PSMD11: variants seen among roughly 807,000 people sequenced by gnomAD.
The protein encoded by PSMD11 is 26S proteasome non-ATPase regulatory subunit 11.
Under a neutral mutation model 62.3 loss-of-function variants are expected in PSMD11, and 5 were observed. The ratio of observed to expected loss-of-function variants is 0.08; its 90% confidence interval spans 0.04 to 0.17. The LOEUF is 0.17. Among genes scored for constraint, PSMD11 ranks in the 10% least tolerant of loss-of-function variants. PSMD11 has a pLI of 1.00. For synonymous variants in PSMD11, 191 were observed against 191.8 expected, an observed-to-expected ratio of 1.00 and a Z score of 0.03; for missense variants, 310 against 512.9, an observed-to-expected ratio of 0.60 and a Z score of 3.82.
At chr17:32,476,807 C>G (rs956274651) in intron 8 of PSMD11, 1 of 152,174 alleles carries the variant, frequency 6.6e-6, no homozygotes, top group African/African-American at 2.4e-5. Flanking sequence ...TTTCTATCAC[C>G]CAGCTGCAGT....
intron 6 of PSMD11, among the ~76,000 whole-genome samples, chr17:32,470,560 T>A (rs953951029): frequency 6.6e-6 from 1 of 152,252 alleles, no homozygotes; most frequent in Admixed American, 6.5e-5. Context: ...GTGCTAGGAT[T>A]ATAGGCATGA....
At chr17:32,453,888 T>G (rs1407516821) in intron 2 of PSMD11, among the ~76,000 whole-genome samples, 1 of 152,170 alleles carries the variant, frequency 6.6e-6, no homozygotes, top group Non-Finnish European at 1.5e-5. Context: ...TAATGAGGAA[T>G]TTAAAAGAGA....
chr17:32,479,658 AAG>A (rs570915768), intron 10 of PSMD11, 191 bp from the exon 11 acceptor site: 1 of 720,518 alleles, frequency 1.4e-6, no homozygotes, highest in South Asian at 1.9e-5. Flanking sequence ...TGTGTGGGAT[AAG>A]AGTCTGTTTA....
chr17:32,444,764 G>GCT (rs1907274104), intron 1 of PSMD11, 150 bp downstream of exon 1: 2 of 848,854 alleles, frequency 2.4e-6, no homozygotes, highest in Admixed American at 3.0e-5. Context: ...GCCGCTCGGA[G>GCT]CTCCCCAGAG....
chr17:32,475,445 C>G (rs1215244833), intron 8 of PSMD11, among the ~76,000 whole-genome samples: 1 of 151,678 alleles, frequency 6.6e-6, no homozygotes, highest in Non-Finnish European at 1.5e-5. Context: ...TTGTATTTTG[C>G]TTGATTATCA....
chr17:32,447,090 T>C lies in PSMD11; in HGVS notation c.193+44T>C, dbSNP rs1907354460. The C allele has an allele frequency of 3.4e-6, 5 of 1,451,232 alleles. No homozygotes were observed. The Admixed American group carries it at 9.7e-5, about 28-fold the overall frequency. The allele number at this position is 1,451,232 out of a possible 1,614,324, so 89.9% of individuals were successfully genotyped here. A position where few individuals can be genotyped will look rare whatever the true frequency, so the allele number is the denominator to read the frequency against. On this transcript the variant is annotated intron_variant, in intron 2 of 13. Coordinates refer to ENST00000261712, the MANE Select transcript of PSMD11 (RefSeq NM_002815.4). ...TTGTATCTGAAATGCTCAGTGAAAT[T>C]CCTGTCTTTTGTTGGAGTGAAGAAT...
In PSMD11 at chr17:32,464,590, G is replaced by A; in HGVS notation, c.448+12G>A. On this transcript the variant is annotated intron_variant, in intron 5 of 13. Transcript: ENST00000261712. ...AGCATTGCATTTGGGTAAGTAAGCT[G>A]GTAATAAGTCATCTCAGCTAGCTAA... 1 of 1,590,992 alleles carries A rather than the reference G, an allele frequency of 6.3e-7. No individual in the cohort carries two copies. The highest frequency in any genetic ancestry group is 1.7e-4 in the Middle Eastern group (1 of 6,006).
rs576861724 is a variant in PSMD11, at chr17:32,467,965, T to C, written c.449-1034T>C. 7.9e-5 allele frequency among the ~76,000 whole-genome samples: 12 copies of C among 152,318 alleles called. No individual in the cohort carries two copies. In the South Asian group the frequency reaches 2.5e-3, roughly 32 times the overall value. On this transcript the variant is annotated intron_variant, in intron 5 of 13. Coordinates refer to ENST00000261712, the MANE Select transcript of PSMD11 (RefSeq NM_002815.4). ...CTTGATCCTTTTCCTCCTCCCACCC[T>C]CTGATAGGCCTTAGTGTGTGGTGTT...
intron 3 of PSMD11, among the ~76,000 whole-genome samples, chr17:32,460,820 T>C (rs527417564): frequency 6.6e-6 from 1 of 151,424 alleles, no homozygotes; most frequent in South Asian, 2.1e-4. Flanking sequence ...CCAAAGTTGG[T>C]ATGATTCAGG....
At chr17:32,477,362 C>CT in intron 8 of PSMD11, 159 bp from the exon 9 acceptor site, 1 of 519,298 alleles carries the variant, frequency 1.9e-6, no homozygotes, top group Non-Finnish European at 3.3e-6. Flanking sequence ...GTATTCAGTA[C>CT]TTGCGGCTCT....
intron 6 of PSMD11, among the ~76,000 whole-genome samples, chr17:32,469,642 G>A (rs1199170639): frequency 7.2e-5 from 11 of 152,106 alleles, no homozygotes; most frequent in Admixed American, 5.2e-4. Context: ...GATGGAGTGC[G>A]TGAATGTGAG....
In PSMD11 at chr17:32,481,393, C is replaced by G. The variant is rs1908487665; in HGVS notation, c.*641C>G. The G allele has an allele frequency of 6.3e-6, 1 of 159,444 alleles. No individual in the cohort carries two copies. The highest frequency in any genetic ancestry group is 2.4e-5 in the African/African-American group (1 of 41,532). The allele number at this position is 159,444 out of a possible 1,614,324, so 9.9% of individuals were successfully genotyped here. On this transcript the variant is annotated 3_prime_UTR_variant, in exon 14 of 14. Transcript: ENST00000261712. ...AGCAGCAGCAGCAGCGCCTGCATAGCTCCACTCTGACCTGTGAAGGAATGG... is the reference window on the plus strand; with the variant it reads ...AGCAGCAGCAGCAGCGCCTGCATAGGTCCACTCTGACCTGTGAAGGAATGG...
intron 2 of PSMD11, among the ~76,000 whole-genome samples, chr17:32,451,595 A>T (rs1300734099): frequency 2.6e-5 from 4 of 152,202 alleles, no homozygotes; most frequent in East Asian, 1.9e-4. Flanking sequence ...TAAAGAAATT[A>T]AAAATAAAGA....
At chr17:32,453,200 T>C (rs1907557639) in intron 2 of PSMD11, among the ~76,000 whole-genome samples, 1 of 152,082 alleles carries the variant, frequency 6.6e-6, no homozygotes, top group African/African-American at 2.4e-5. Flanking sequence ...ATAATATAAT[T>C]GAAATAAATG....
chr17:32,456,376 A>T (rs1232459108), intron 3 of PSMD11, among the ~76,000 whole-genome samples: 1 of 150,258 alleles, frequency 6.7e-6, no homozygotes, highest in Non-Finnish European at 1.5e-5. Context: ...AACAGCATTT[A>T]TTTTTTTTTA....
In PSMD11 at chr17:32,458,604, A is replaced by G. The variant is rs145423496; in HGVS notation, c.318+3985A>G. ...GCCTTGTCTCCTTTACTGTAATACA[A>G]TCTCACTCAGGTGAAGCACTATGTG... On this transcript the variant is annotated intron_variant, in intron 3 of 13. Transcript: ENST00000261712. 5.0e-3 allele frequency among the ~76,000 whole-genome samples: 764 copies of G among 152,314 alleles called. 6 individuals carry two copies. Among genetic ancestry groups the G allele is most frequent in the African/African-American group, 0.016 (664 of 41,564 alleles).
chr17:32,463,953 A>G (rs891602534), intron 3 of PSMD11, 96 bp from the exon 4 acceptor site: 5 of 1,091,674 alleles, frequency 4.6e-6, no homozygotes, highest in African/African-American at 1.5e-5. Context: ...AACATGGATA[A>G]TATGTAAGGA....
At chr17:32,464,387 C>G in intron 4 of PSMD11, 134 bp from the exon 5 acceptor site, 1 of 760,116 alleles carries the variant, frequency 1.3e-6, no homozygotes, top group Non-Finnish European at 2.1e-6. Flanking sequence ...TTGGCTAGAT[C>G]GTCTCTTATG....
chr17:32,464,267 T>C (rs1207747019), intron 4 of PSMD11, 147 bp downstream of exon 4: 2 of 858,028 alleles, frequency 2.3e-6, no homozygotes, highest in African/African-American at 1.7e-5. Context: ...CCACTTATGA[T>C]AATTGCTCTG....
Sources: allele counts gnomAD v4.1 joint callset (sites outside exome capture counted in the v4.1 genomes callset), GRCh38; gene constraint gnomAD v4.1.1; transcripts MANE v1.5; gene names NCBI Gene and HGNC (gene_info 2026-07-23, HGNC 2026-07-21).